DLGAP1: variants seen among roughly 807,000 people sequenced by gnomAD.
The protein encoded by DLGAP1 is DLG associated protein 1, also known as disks large-associated protein 1.
In DLGAP1, 11 loss-of-function variants were observed where a neutral mutation model predicts 90.8. The observed-to-expected ratio is 0.12, with a 90% CI of 0.08 to 0.20. The LOEUF (loss-of-function observed/expected upper bound fraction) is 0.20, where lower values mean the gene tolerates loss of function less well. Among genes scored for constraint, DLGAP1 ranks in the 10% least tolerant of loss-of-function variants. DLGAP1 has a pLI of 1.00. For synonymous variants in DLGAP1, 558 were observed against 540.7 expected (o/e 1.03, Z -0.44); for missense variants, 1,050 against 1,333.8 (o/e 0.79, Z 3.31).
chr18:3,719,645 T>C (rs534238945), intron 7 of DLGAP1, among the ~76,000 whole-genome samples: 1 of 152,030 alleles, frequency 6.6e-6, no homozygotes, highest in South Asian at 2.1e-4. Context: ...TGTTGAGATG[T>C]AACTGTTGGG....
rs770539020 is a variant in DLGAP1, at chr18:3,814,041, A to G, written c.1172+18T>C. The G allele has an allele frequency of 1.9e-6, 3 of 1,611,844 alleles. No individual in the cohort carries two copies. Among genetic ancestry groups the G allele is most frequent in the Non-Finnish European group, 2.5e-6 (3 of 1,178,238 alleles). On this transcript the variant is annotated intron_variant, in intron 5 of 12. Coordinates refer to ENST00000315677, the MANE Select transcript of DLGAP1 (RefSeq NM_004746.4). ...CAAGCACCTGGACTATCGCAAGTGC[A>G]GGGTTAGGACTACTCACTTGAGTGT...
rs938342864 is a variant in DLGAP1 at position 3,965,879 on chromosome 18, C to T, written c.-73+39237G>A. 7.3e-5 allele frequency among the ~76,000 whole-genome samples: 10 copies of T among 136,234 alleles called. No homozygotes were observed. In the East Asian group the frequency reaches 2.3e-3, roughly 31 times the overall value. 89.4% of individuals were successfully genotyped at this position (136,234 alleles called of 152,430 possible). A position where few individuals can be genotyped will look rare whatever the true frequency, so the allele number is the denominator to read the frequency against. On this transcript the variant is annotated intron_variant, in intron 3 of 12. Coordinates refer to ENST00000315677, the MANE Select transcript of DLGAP1 (RefSeq NM_004746.4). Reference sequence around the variant, plus strand: ...AGGAGAATTGCTTGAACCCGGGAGGCGGAGGTTGCCGTGAGCCGAGATCCT... The same window carrying T: ...AGGAGAATTGCTTGAACCCGGGAGGTGGAGGTTGCCGTGAGCCGAGATCCT...
At chr18:4,243,653 GTCCCA>G (rs1248611495) in intron 1 of DLGAP1, among the ~76,000 whole-genome samples, 1 of 152,176 alleles carries the variant, frequency 6.6e-6, no homozygotes, top group Non-Finnish European at 1.5e-5. Context: ...ATATCCTCAT[GTCCCA>G]TGATGTTTCT....
intron 3 of DLGAP1, among the ~76,000 whole-genome samples, chr18:3,947,961 T>C (rs185442291): frequency 2.0e-4 from 31 of 152,174 alleles, no homozygotes; most frequent in African/African-American, 7.5e-4. Flanking sequence ...TCTCAGGAAA[T>C]AGAGGTAGTT....
At chr18:3,574,880 T>C (rs938431707) in intron 8 of DLGAP1, among the ~76,000 whole-genome samples, 1 of 151,196 alleles carries the variant, frequency 6.6e-6, no homozygotes, top group African/African-American at 2.4e-5. Context: ...AGTGGCACAA[T>C]CTTGGCTCAC....
At position 4,207,231 on chromosome 18, in the gene DLGAP1, C is replaced by T. The variant is rs114681809; in HGVS notation, c.-266-55944G>A. ...GGCCTCAGGGAACTTACAACAATGG[C>T]GAAAGGTGAAGCAAACACATCCCTC... On this transcript the variant is annotated intron_variant, in intron 1 of 12. Transcript: ENST00000315677. Among the ~76,000 whole-genome samples, 826 of 152,116 alleles carry T rather than the reference C, an allele frequency of 5.4e-3. 3 individuals are homozygous for T. The highest frequency in any genetic ancestry group is 0.012 in the African/African-American group (499 of 41,494).
chr18:4,008,165 TGG>T (rs1376750975), intron 2 of DLGAP1, among the ~76,000 whole-genome samples: 1 of 151,750 alleles, frequency 6.6e-6, no homozygotes, highest in Admixed American at 6.6e-5. Flanking sequence ...AGATCCTCAG[TGG>T]ATGCCTGATG....
At chr18:4,435,604 C>T (rs1342525800) in intron 1 of DLGAP1, among the ~76,000 whole-genome samples, 10 of 152,148 alleles carry the variant, frequency 6.6e-5, no homozygotes. Context: ...GATGTAAAAT[C>T]ACCATGATTT....
At chr18:4,325,596 AT>A (rs2080799609) in intron 1 of DLGAP1, among the ~76,000 whole-genome samples, 1 of 152,114 alleles carries the variant, frequency 6.6e-6, no homozygotes, top group African/African-American at 2.4e-5. Flanking sequence ...GAGGTATCAT[AT>A]TACCCAACTT....
intron 1 of DLGAP1, among the ~76,000 whole-genome samples, chr18:4,405,898 G>A (rs776302477): frequency 2.6e-5 from 4 of 152,118 alleles, no homozygotes; most frequent in Non-Finnish European, 4.4e-5. Flanking sequence ...TACAAACAAA[G>A]CAACTAAAGA....
rs550592407 is a variant in DLGAP1, at chr18:3,970,778, A to G, written c.-73+34338T>C. On this transcript the variant is annotated intron_variant, in intron 3 of 12. Coordinates refer to ENST00000315677, the MANE Select transcript of DLGAP1 (RefSeq NM_004746.4). ...CTTGACATTAATATTAACATTAAAA[A>G]TCTGGAAGCAAAAGGGTTTCTTCCC... 1.6e-3 allele frequency among the ~76,000 whole-genome samples: 245 copies of G among 152,318 alleles called. 1 individual carries two copies. Among genetic ancestry groups the G allele is most frequent in the African/African-American group, 5.8e-3 (241 of 41,572 alleles).
At chr18:3,895,321 A>ACACAC (rs1555703472) in intron 3 of DLGAP1, among the ~76,000 whole-genome samples, 11 of 104,764 alleles carry the variant, frequency 1.0e-4, no homozygotes, top group African/African-American at 3.7e-4. Flanking sequence ...ACACACACAC[A>ACACAC]TCATCATCAT....
At chr18:4,436,456 G>A (rs1268324105) in intron 1 of DLGAP1, among the ~76,000 whole-genome samples, 1 of 151,966 alleles carries the variant, frequency 6.6e-6, no homozygotes, top group Non-Finnish European at 1.5e-5. Context: ...CAAATTCCCA[G>A]GTGATGCGAT....
At chr18:3,623,049 CCTGCCT>C (rs2058155779) in intron 7 of DLGAP1, among the ~76,000 whole-genome samples, 1 of 152,060 alleles carries the variant, frequency 6.6e-6, no homozygotes, top group Admixed American at 6.5e-5. Context: ...AAATGATCCG[CCTGCCT>C]CTGCCTCCCA....
chr18:3,965,726 T>C (rs1291514254), intron 3 of DLGAP1, among the ~76,000 whole-genome samples: 1 of 151,948 alleles, frequency 6.6e-6, no homozygotes, highest in Non-Finnish European at 1.5e-5. Flanking sequence ...GGTGGGCTGA[T>C]TACCTGAGGT....
intron 3 of DLGAP1, among the ~76,000 whole-genome samples, chr18:3,911,986 T>G (rs568061126): frequency 2.0e-5 from 3 of 152,234 alleles, no homozygotes; most frequent in Non-Finnish European, 4.4e-5. Flanking sequence ...AATTCTCAGA[T>G]TCAAGTCCTG....
chr18:4,353,695 A>G (rs926812092), intron 1 of DLGAP1, among the ~76,000 whole-genome samples: 2 of 150,924 alleles, frequency 1.3e-5, no homozygotes, highest in African/African-American at 4.9e-5. Flanking sequence ...TATATGATAT[A>G]TAACATACAC....
At chr18:3,963,416 A>G (rs931009440) in intron 3 of DLGAP1, among the ~76,000 whole-genome samples, 1 of 152,112 alleles carries the variant, frequency 6.6e-6, no homozygotes, top group Non-Finnish European at 1.5e-5. Context: ...GTGCATGAGG[A>G]TGAGGTGCCC....
chr18:4,197,074 G>C (rs891503304), intron 1 of DLGAP1, among the ~76,000 whole-genome samples: 13 of 151,264 alleles, frequency 8.6e-5, no homozygotes, highest in African/African-American at 3.2e-4. Flanking sequence ...TTGGGAGGCT[G>C]AGGCAGGAGA....
Sources: allele counts gnomAD v4.1 joint callset (sites outside exome capture counted in the v4.1 genomes callset), GRCh38; gene constraint gnomAD v4.1.1; transcripts MANE v1.5; gene names NCBI Gene and HGNC (gene_info 2026-07-23, HGNC 2026-07-21).